Variants in CHN2 observed in about 807,000 individuals in gnomAD.
The protein encoded by CHN2 is chimerin 2, also known as beta-chimaerin.
Under a neutral mutation model 56.3 loss-of-function variants are expected in CHN2, and 35 were observed. The ratio of observed to expected loss-of-function variants is 0.62; its 90% CI spans 0.47 to 0.82. The LOEUF is 0.82. Ranked by LOEUF, CHN2 falls within the 40% of genes least tolerant of loss-of-function variation. The pLI, the probability that CHN2 is intolerant of heterozygous loss-of-function variation, is 0.00. For missense variants in CHN2, 491 were observed against 580.5 expected (o/e 0.85, Z 1.58); for synonymous variants, 210 against 212.8 (o/e 0.99, Z 0.12).
intron 1 of CHN2, among the ~76,000 whole-genome samples, chr7:29,325,204 C>G (rs1381087548): frequency 6.6e-6 from 1 of 152,132 alleles, no homozygotes; most frequent in Non-Finnish European, 1.5e-5. Flanking sequence ...TGATTCTGTC[C>G]CGCTCTGATG....
intron 2 of CHN2, among the ~76,000 whole-genome samples, chr7:29,149,833 C>T (rs1222920740): frequency 6.6e-6 from 1 of 152,152 alleles, no homozygotes; most frequent in African/African-American, 2.4e-5. Flanking sequence ...GTCTCCCCTC[C>T]ATGTGTCTGT....
intron 1 of CHN2, among the ~76,000 whole-genome samples, chr7:29,287,926 A>G (rs944557444): frequency 1.3e-5 from 2 of 152,190 alleles, no homozygotes; most frequent in South Asian, 2.1e-4. Flanking sequence ...GGTCTTCAGC[A>G]TGTCTTTAAA....
At chr7:29,223,656 C>G (rs1240411155) in intron 1 of CHN2, among the ~76,000 whole-genome samples, 1 of 152,000 alleles carries the variant, frequency 6.6e-6, no homozygotes, top group Non-Finnish European at 1.5e-5. Context: ...TAATTGTATA[C>G]ACTTAGTAAT....
At chr7:29,510,137 ATG>A (rs1482649516) in intron 12 of CHN2, among the ~76,000 whole-genome samples, 2 of 151,934 alleles carry the variant, frequency 1.3e-5, no homozygotes, top group Admixed American at 1.3e-4. Context: ...ATTTTTCTGG[ATG>A]TGTGAGTTCT....
At chr7:29,474,170 A>C (rs1284696929) in intron 6 of CHN2, among the ~76,000 whole-genome samples, 1 of 152,170 alleles carries the variant, frequency 6.6e-6, no homozygotes, top group Non-Finnish European at 1.5e-5. Context: ...CCTACTTCTC[A>C]CCTAACATTA....
intron 7 of CHN2, among the ~76,000 whole-genome samples, chr7:29,490,496 T>C (rs1024010438): frequency 3.3e-5 from 5 of 152,168 alleles, no homozygotes; most frequent in African/African-American, 1.2e-4. Context: ...CAACTTTGTA[T>C]ATCCAAGGAC....
At chr7:29,345,486 G>A (rs369898712) in intron 1 of CHN2, among the ~76,000 whole-genome samples, 1 of 152,128 alleles carries the variant, frequency 6.6e-6, no homozygotes, top group South Asian at 2.1e-4. Flanking sequence ...AGCCAGCAGT[G>A]TGCACGCGAG....
At chr7:29,214,132 G>C (rs570760074) in intron 1 of CHN2, among the ~76,000 whole-genome samples, 4 of 152,068 alleles carry the variant, frequency 2.6e-5, no homozygotes, top group Admixed American at 2.6e-4. Flanking sequence ...GAGTCAATTC[G>C]ATCCGATTTC....
At chr7:29,244,131 T>G (rs1787892548) in intron 1 of CHN2, among the ~76,000 whole-genome samples, 1 of 152,224 alleles carries the variant, frequency 6.6e-6, no homozygotes, top group South Asian at 2.1e-4. Flanking sequence ...CACTTTCCCC[T>G]TTCCTCATCA....
At chr7:29,354,907 T>C (rs1798168443) in intron 2 of CHN2, among the ~76,000 whole-genome samples, 1 of 151,966 alleles carries the variant, frequency 6.6e-6, no homozygotes, top group African/African-American at 2.4e-5. Context: ...GGGTGGACTT[T>C]CTGACTCTCT....
chr7:29,484,365 T>G (rs1030663920), intron 7 of CHN2, among the ~76,000 whole-genome samples: 1 of 152,226 alleles, frequency 6.6e-6, no homozygotes, highest in African/African-American at 2.4e-5. Flanking sequence ...CAACACAGAT[T>G]TATTTGCTGG....
chr7:29,338,268 C>A (rs975469000), intron 1 of CHN2, among the ~76,000 whole-genome samples: 6 of 152,154 alleles, frequency 3.9e-5, no homozygotes, highest in Non-Finnish European at 7.3e-5. Flanking sequence ...AGGCACCATC[C>A]TCTGTGGGCT....
At chr7:29,411,549 C>T (rs1388656124) in intron 6 of CHN2, among the ~76,000 whole-genome samples, 3 of 152,114 alleles carry the variant, frequency 2.0e-5, no homozygotes, top group Admixed American at 6.5e-5. Context: ...AAGGCCAAGC[C>T]GAAGGACCCC....
At chr7:29,215,311 G>A (rs1193768550) in intron 1 of CHN2, among the ~76,000 whole-genome samples, 1 of 152,166 alleles carries the variant, frequency 6.6e-6, no homozygotes, top group African/African-American at 2.4e-5. Context: ...AGAAGCCTGA[G>A]GCCGTCCTCT....
At chr7:29,492,954 G>A (rs112182939) in intron 7 of CHN2, among the ~76,000 whole-genome samples, 21 of 152,260 alleles carry the variant, frequency 1.4e-4, no homozygotes, top group African/African-American at 4.6e-4. Context: ...TGAACACTGA[G>A]TGCTCAGGGA....
chr7:29,165,215 C>G (rs13238687), intron 2 of CHN2, among the ~76,000 whole-genome samples: 23,684 of 151,466 alleles, frequency 0.16, 2,069 homozygotes, highest in African/African-American at 0.22. Context: ...ATTATCTCAA[C>G]AATGTTTTAT....
At chr7:29,198,492 T>C (rs974174898) in intron 1 of CHN2, among the ~76,000 whole-genome samples, 1 of 152,220 alleles carries the variant, frequency 6.6e-6, no homozygotes, top group Admixed American at 6.5e-5. Context: ...ATGAATTTTC[T>C]TCTGGAATAT....
At chr7:29,355,835 G>A (rs944382097) in intron 2 of CHN2, among the ~76,000 whole-genome samples, 5 of 134,020 alleles carry the variant, frequency 3.7e-5, no homozygotes, top group South Asian at 2.4e-4. Context: ...CCAGGCTGGC[G>A]TGCAGTGGCT....
chr7:29,357,923 A>T (rs539785817), intron 2 of CHN2, among the ~76,000 whole-genome samples: 1 of 152,330 alleles, frequency 6.6e-6, no homozygotes, highest in East Asian at 1.9e-4. Context: ...TTCACAAATT[A>T]TCCTTTGAGA....
Sources: gnomAD v4.1 joint callset for allele counts (sites outside exome capture counted in the v4.1 genomes callset) on GRCh38, gnomAD v4.1.1 for gene constraint, MANE v1.5 for transcripts, NCBI Gene and HGNC (gene_info 2026-07-23, HGNC 2026-07-21) for gene names.